CLCA4: variants seen among roughly 807,000 people sequenced by gnomAD.
The protein encoded by CLCA4 is chloride channel accessory 4.
A neutral mutation model predicts 78.9 loss-of-function variants in CLCA4; 69 were observed. That is an observed-to-expected ratio of 0.87 (90% CI 0.72 to 1.07). CLCA4 has a LOEUF of 1.07. Among genes scored for constraint, CLCA4 ranks in the 50% least tolerant of loss-of-function variants. The pLI is 0.00. For synonymous variants in CLCA4, 362 were observed against 375.8 expected (o/e 0.96, Z 0.42); for missense variants, 1,133 against 1,095.8 (o/e 1.03, Z -0.48).
chr1:86,580,374 A>G lies in CLCA4; in HGVS notation c.*29A>G. The G allele has an allele frequency of 6.7e-7, 1 of 1,490,484 alleles. No homozygotes were observed. The highest frequency in any genetic ancestry group is 9.0e-7 in the Non-Finnish European group (1 of 1,116,886). 92.3% of individuals were successfully genotyped at this position (1,490,484 alleles called of 1,614,324 possible). A position where few individuals can be genotyped will look rare whatever the true frequency, so the allele number is the denominator to read the frequency against. ...TTAACGAAGAAAAAAATCTTCAAGT[A>G]GACCTAGAAGAGAGTTTTAAAAAAC... On this transcript the variant is annotated 3_prime_UTR_variant, in exon 14 of 14. Coordinates refer to ENST00000370563, the MANE Select transcript of CLCA4 (RefSeq NM_012128.4).
chr1:86,564,379 C>A (rs994715932), intron 4 of CLCA4, among the ~76,000 whole-genome samples: 1 of 152,140 alleles, frequency 6.6e-6, no homozygotes, highest in Admixed American at 6.5e-5. Flanking sequence ...TGATTTCAAT[C>A]AAGGTCCTTC....
chr1:86,564,748 T>C (rs1158096956), intron 4 of CLCA4, among the ~76,000 whole-genome samples: 1 of 152,176 alleles, frequency 6.6e-6, no homozygotes, highest in African/African-American at 2.4e-5. Flanking sequence ...TCATTTTTTA[T>C]TCTACCATGG....
chr1:86,552,376 C>G (rs764904294), intron 1 of CLCA4, among the ~76,000 whole-genome samples: 1 of 152,198 alleles, frequency 6.6e-6, no homozygotes, highest in South Asian at 2.1e-4. Context: ...ACGTCAGGAC[C>G]GGTCCAGAGA....
Position 86,572,659 on chromosome 1 carries a change from T to G in CLCA4, c.1406T>G (p.Leu469Arg), listed in dbSNP as rs1270594277. The G allele has an allele frequency of 6.2e-7, 1 of 1,609,970 alleles. No homozygotes were observed. Among genetic ancestry groups the G allele is most frequent in the Non-Finnish European group, 8.5e-7 (1 of 1,176,744 alleles). The part of the protein sequence containing the change: ...YVSDEAQNNG[L>R]IDAFGALTSG... ...TCAGATGAAGCTCAGAACAATGGCC[T>G]CATTGATGCTTTTGGGGCTCTTACA... Residue 469 changes from leucine to arginine, a missense_variant, in exon 9 of 14, where the codon CTC (leucine) becomes CGC (arginine). By Grantham distance (102) the Leu-to-Arg change is moderately radical. Coordinates refer to ENST00000370563, the MANE Select transcript of CLCA4 (RefSeq NM_012128.4).
chr1:86,552,769 TC>T, intron 1 of CLCA4: 1 of 1,401,298 alleles, frequency 7.1e-7, no homozygotes, highest in Non-Finnish European at 1.0e-6. Context: ...CAGTACTGTG[TC>T]CAGGTTGTAG....
Position 86,563,784 on chromosome 1 carries a change from A to C in CLCA4, c.557+15A>C. 6.9e-7 allele frequency: 1 copy of C among 1,446,626 alleles called. No individual in the cohort carries two copies. Among genetic ancestry groups the C allele is most frequent in the South Asian group, 1.2e-5 (1 of 82,646 alleles). 89.6% of individuals were successfully genotyped at this position (1,446,626 alleles called of 1,614,324 possible). ...GAAGCAACAAGGCATGGCTATTTAA[A>C]TTTTCTAAACTGACTTCAGGCTTTT... On this transcript the variant is annotated intron_variant, in intron 4 of 13. Transcript: ENST00000370563.
chr1:86,579,564 G>GAC lies in CLCA4; in HGVS notation c.2334_2335insCA (p.Asp779GlnfsTer14). On this transcript the variant is annotated frameshift_variant, in exon 13 of 14. Coordinates refer to ENST00000370563, the MANE Select transcript of CLCA4 (RefSeq NM_012128.4). LOFTEE classifies it low-confidence loss of function (END_TRUNC). ...ATTATTCTTACATGGACAGCACCAGGAGATAATTTTGATGTTGGAAAAGGT... is the reference window on the plus strand; with the variant it reads ...ATTATTCTTACATGGACAGCACCAGGACAGATAATTTTGATGTTGGAAAAGGT... 6.7e-7 allele frequency: 1 copy of GAC among 1,497,112 alleles called. No individual in the cohort carries two copies. Among genetic ancestry groups the GAC allele is most frequent in the Non-Finnish European group, 9.1e-7 (1 of 1,104,868 alleles). 92.7% of individuals were successfully genotyped at this position (1,497,112 alleles called of 1,614,324 possible).
rs1248247306 is a variant in CLCA4 at position 86,580,680 on chromosome 1, A to T, written c.*335A>T. ...CTGAAATGATATTTCAAATTGCATC[A>T]AGAAATTAAAATCATCTATCTGAGT... On this transcript the variant is annotated 3_prime_UTR_variant, in exon 14 of 14. Coordinates refer to ENST00000370563, the MANE Select transcript of CLCA4 (RefSeq NM_012128.4). The T allele has an allele frequency of 1.1e-5, 2 of 182,232 alleles. No homozygotes were observed. The highest frequency in any genetic ancestry group is 2.3e-5 in the Non-Finnish European group (2 of 88,554). 11.3% of individuals were successfully genotyped at this position (182,232 alleles called of 1,614,324 possible).
At chr1:86,565,493 G>A in intron 5 of CLCA4, 42 bp downstream of exon 5, 1 of 1,420,786 alleles carries the variant, frequency 7.0e-7, no homozygotes, top group South Asian at 1.3e-5. Flanking sequence ...ATAATCAAAT[G>A]ACATATTGTC....
At chr1:86,567,924 G>C (rs1650248685) in intron 7 of CLCA4, among the ~76,000 whole-genome samples, 1 of 152,040 alleles carries the variant, frequency 6.6e-6, no homozygotes, top group Non-Finnish European at 1.5e-5. Context: ...CCACGCAGTA[G>C]TCAGTGCTCG....
rs115797685 is a variant in CLCA4 at position 86,571,984 on chromosome 1, C to T, written c.1361-630C>T. Among the ~76,000 whole-genome samples, 935 of 152,088 alleles carry T rather than the reference C, an allele frequency of 6.1e-3. 11 individuals are homozygous for T. The highest frequency in any genetic ancestry group is 0.021 in the African/African-American group (868 of 41,532). On this transcript the variant is annotated intron_variant, in intron 8 of 13. Coordinates refer to ENST00000370563, the MANE Select transcript of CLCA4 (RefSeq NM_012128.4). ...TTTTTAATGCTTAGTTATACAAAAT[C>T]ACATCATTTCAAAGTCCTTTCATGG...
At chr1:86,563,949 A>C (rs1650099664) in intron 4 of CLCA4, among the ~76,000 whole-genome samples, 180 bp downstream of exon 4, 1 of 152,126 alleles carries the variant, frequency 6.6e-6, no homozygotes, top group African/African-American at 2.4e-5. Flanking sequence ...ACATAATTTC[A>C]ATGGCAAGCA....
rs1341157592 is a variant in CLCA4, at chr1:86,580,128, T to C, written c.2543T>C (p.Ile848Thr). The C allele has an allele frequency of 1.9e-6, 3 of 1,612,656 alleles. No individual in the cohort carries two copies. The highest frequency in any genetic ancestry group is 1.7e-5 in the Admixed American group (1 of 59,850). ...CACATATTTATTGCCATTAAAAGTA[T>C]AGATAAAAGCAATTTGACATCAAAA... ...ATHIFIAIKS[I>T]DKSNLTSKVS... The change falls in exon 14 of 14, where the codon ATA (isoleucine) becomes ACA (threonine). Residue 848 changes from isoleucine (I) to threonine (T), a missense_variant. Transcript: ENST00000370563.
intron 2 of CLCA4, 69 bp downstream of exon 2, chr1:86,560,141 T>TAA: frequency 6.4e-7 from 1 of 1,560,840 alleles, no homozygotes; most frequent in South Asian, 1.2e-5. Context: ...ACAAATTATT[T>TAA]AAGAGTCTTT....
intron 1 of CLCA4, among the ~76,000 whole-genome samples, chr1:86,555,476 T>C (rs1420882943): frequency 6.6e-6 from 1 of 152,228 alleles, no homozygotes; most frequent in Non-Finnish European, 1.5e-5. Context: ...CCATTGCTTG[T>C]TTTTGTCAGC....
Position 86,547,155 on chromosome 1 carries a change from T to G in CLCA4, c.36T>G (p.Val12=). Residue 12 remains valine (V), a synonymous_variant, in exon 1 of 14, where the codon GTT becomes GTG. Coordinates refer to ENST00000370563, the MANE Select transcript of CLCA4 (RefSeq NM_012128.4). The part of the protein sequence containing the change: ...GLFRGFVFLL[V]LCLLHQSNTS... ...TCAGAGGTTTTGTTTTCCTCTTAGTTCTGTGCCTGCTGCACCAGTCAAATA... is the reference window on the plus strand; with the variant it reads ...TCAGAGGTTTTGTTTTCCTCTTAGTGCTGTGCCTGCTGCACCAGTCAAATA... 6.2e-7 allele frequency: 1 copy of G among 1,609,428 alleles called. No individual in the cohort carries two copies. Among genetic ancestry groups the G allele is most frequent in the Non-Finnish European group, 8.5e-7 (1 of 1,178,792 alleles).
intron 9 of CLCA4, 126 bp from the exon 10 acceptor site, chr1:86,574,414 G>T: frequency 1.5e-6 from 1 of 667,684 alleles, no homozygotes. Context: ...CTTGCAGAGA[G>T]ATCACAAGTC....
intron 6 of CLCA4, among the ~76,000 whole-genome samples, chr1:86,566,829 G>A (rs879802610): frequency 1.4e-4 from 21 of 152,034 alleles, no homozygotes; most frequent in Non-Finnish European, 2.5e-4. Flanking sequence ...AGAGGGCTGG[G>A]TCCTGAGGGT....
chr1:86,563,064 A>G (rs1251742518), intron 3 of CLCA4, among the ~76,000 whole-genome samples: 1 of 151,752 alleles, frequency 6.6e-6, no homozygotes, highest in African/African-American at 2.4e-5. Flanking sequence ...TGAAAGTTCT[A>G]CTTTCCTTCT....
Sources: allele counts gnomAD v4.1 joint callset (sites outside exome capture counted in the v4.1 genomes callset), GRCh38; gene constraint gnomAD v4.1.1; transcripts MANE v1.5; gene names NCBI Gene and HGNC (gene_info 2026-07-23, HGNC 2026-07-21).